PLB1: variants seen among roughly 807,000 people sequenced by gnomAD.
PLB1 encodes phospholipase B1, also known as phospholipase B1, membrane-associated.
In PLB1, 242 loss-of-function variants were observed where a neutral mutation model predicts 227.4. The ratio of observed to expected loss-of-function variants is 1.06; its 90% CI spans 0.96 to 1.18. The LOEUF (loss-of-function observed/expected upper bound fraction) is 1.18. Among genes scored for constraint, PLB1 ranks in the 50% most tolerant of loss-of-function variants. The pLI, the probability that PLB1 is intolerant of heterozygous loss-of-function variation, is 0.00. For synonymous variants in PLB1, 757 were observed against 682.2 expected (o/e 1.11, Z -1.71); for missense variants, 1,858 against 1,816.3 (o/e 1.02, Z -0.42).
rs188679384 is a variant in PLB1, at chr2:28,608,714, C to G, written c.3129+2147C>G. ...CCTGGTCCTTTTCTTAGGTTTCATTCTTTTTGACCTCTCTGAAGCCCTTGT... is the reference window on the plus strand; with the variant it reads ...CCTGGTCCTTTTCTTAGGTTTCATTGTTTTTGACCTCTCTGAAGCCCTTGT... On this transcript the variant is annotated intron_variant, in intron 43 of 57. Transcript: ENST00000327757. Among the ~76,000 whole-genome samples, 3 of 152,276 alleles carry G rather than the reference C, an allele frequency of 2.0e-5. No individual in the cohort carries two copies. The East Asian group carries it at 5.8e-4, about 29-fold the overall frequency.
Position 28,603,954 on chromosome 2 carries a change from C to G in PLB1, c.2775-12C>G, listed in dbSNP as rs369874929. On this transcript the variant is annotated splice_polypyrimidine_tract_variant and intron_variant, in intron 39 of 57. Coordinates refer to ENST00000327757, the MANE Select transcript of PLB1 (RefSeq NM_153021.5). The stretch of plus-strand genomic sequence containing the variant: ...GAGCTCTGGGGCCTCCTGCCTCCCC[C>G]TCTTTGTGCAGCGTTTTGTGTAACT... 137 of 1,613,758 alleles carry G rather than the reference C, an allele frequency of 8.5e-5. No homozygotes were observed. Among genetic ancestry groups the G allele is most frequent in the Admixed American group, 4.8e-4 (29 of 60,024 alleles).
At chr2:28,579,581 T>C in intron 22 of PLB1, 46 bp from the exon 23 acceptor site, 2 of 1,500,992 alleles carry the variant, frequency 1.3e-6, no homozygotes, top group Non-Finnish European at 1.9e-6. Flanking sequence ...TTCCTTGACT[T>C]GACTCTGGGA....
intron 14 of PLB1, among the ~76,000 whole-genome samples, chr2:28,544,282 A>G (rs1225856090): frequency 6.6e-6 from 1 of 152,226 alleles, no homozygotes; most frequent in African/African-American, 2.4e-5. Flanking sequence ...CTATGTCCCC[A>G]GAAATCCACT....
chr2:28,520,216 C>T (rs1032423312), intron 4 of PLB1, among the ~76,000 whole-genome samples: 5 of 140,946 alleles, frequency 3.5e-5, no homozygotes, highest in Non-Finnish European at 7.6e-5. Flanking sequence ...GCGTGAGCCA[C>T]TGCGCCCAGC....
chr2:28,594,023 GA>G (rs772929527), intron 33 of PLB1: 1 of 719,254 alleles, frequency 1.4e-6, no homozygotes, highest in Non-Finnish European at 2.6e-6. Context: ...AATCCAACAG[GA>G]AATGCACCAG....
At chr2:28,555,584 A>G (rs1398761836) in intron 17 of PLB1, among the ~76,000 whole-genome samples, 1 of 152,204 alleles carries the variant, frequency 6.6e-6, no homozygotes, top group East Asian at 1.9e-4. Context: ...TCTGGAGATC[A>G]TGTTTGCAAT....
rs560986905 is a variant in PLB1, at chr2:28,509,557, G to A, written c.56-7251G>A. On this transcript the variant is annotated intron_variant, in intron 1 of 57. Transcript: ENST00000327757. Reference sequence around the variant, plus strand: ...GGTGCTTTGTTGGTTCCAGACCCCAGTGGTCACAGCCCTGTCCAACTTGGA... The same window carrying A: ...GGTGCTTTGTTGGTTCCAGACCCCAATGGTCACAGCCCTGTCCAACTTGGA... 2.0e-4 allele frequency among the ~76,000 whole-genome samples: 30 copies of A among 152,322 alleles called. No homozygotes were observed. In the South Asian group the frequency reaches 5.8e-3, roughly 29 times the overall value.
intron 1 of PLB1, among the ~76,000 whole-genome samples, chr2:28,506,594 A>G (rs1177965085): frequency 1.3e-5 from 2 of 152,222 alleles, no homozygotes; most frequent in African/African-American, 2.4e-5. Context: ...ATTTACAAAA[A>G]CTAAACTGGT....
intron 35 of PLB1, among the ~76,000 whole-genome samples, chr2:28,599,947 C>T (rs1683600109): frequency 6.6e-6 from 1 of 152,032 alleles, no homozygotes; most frequent in South Asian, 2.1e-4. Flanking sequence ...TTCACTCTGT[C>T]ACCTAGGCTG....
chr2:28,637,455 C>T (rs778688637), intron 56 of PLB1, among the ~76,000 whole-genome samples: 8 of 152,048 alleles, frequency 5.3e-5, no homozygotes, highest in Non-Finnish European at 1.0e-4. Context: ...GTTTATGAAC[C>T]GCTGCCTTAG....
In PLB1 at chr2:28,565,272, C is replaced by T. The variant is rs751508125; in HGVS notation, c.1207-8C>T. On this transcript the variant is annotated splice_region_variant and splice_polypyrimidine_tract_variant and intron_variant, in intron 18 of 57. Coordinates refer to ENST00000327757, the MANE Select transcript of PLB1 (RefSeq NM_153021.5). Reference sequence around the variant, plus strand: ...AGAGAAACTCACCCCCTCATTGTTCCCTCTCAGGCAGGCAATGGGGCCGGG... The same window carrying T: ...AGAGAAACTCACCCCCTCATTGTTCTCTCTCAGGCAGGCAATGGGGCCGGG... 6.2e-7 allele frequency: 1 copy of T among 1,609,666 alleles called. No homozygotes were observed. Among genetic ancestry groups the T allele is most frequent in the South Asian group, 1.1e-5 (1 of 89,652 alleles).
In PLB1 at chr2:28,605,835, T is replaced by C. The variant is rs757401758; in HGVS notation, c.2962-18T>C. 3.2e-6 allele frequency: 5 copies of C among 1,586,148 alleles called. No individual in the cohort carries two copies. The Admixed American group carries it at 8.4e-5, about 27-fold the overall frequency. On this transcript the variant is annotated intron_variant, in intron 41 of 57. Coordinates refer to ENST00000327757, the MANE Select transcript of PLB1 (RefSeq NM_153021.5). The stretch of plus-strand genomic sequence containing the variant: ...CTGAACCAATAGGATCTTGAGGGGG[T>C]ATATTGGTCTCTTTCAGGATGGGCT...
In PLB1 at chr2:28,632,059, C is replaced by A. The variant is rs780182466; in HGVS notation, c.3921C>A (p.Tyr1307Ter). 6.8e-6 allele frequency: 11 copies of A among 1,613,974 alleles called. No individual in the cohort carries two copies. The Admixed American group carries it at 1.8e-4, about 27-fold the overall frequency. Residue 1307 changes from tyrosine to a stop codon, truncating the protein, a stop_gained, in exon 55 of 58, where the codon TAC becomes TAA. Transcript: ENST00000327757. LOFTEE classifies it high-confidence loss of function. ...AGCATGGCATCTCCAGTTTCTCCTA[C>A]TGGCACCAATACACACAGCGTGAGG... ...NLQHGISSFSYWHQYTQREDF... is the reference protein window; with the variant it reads ...NLQHGISSFS
chr2:28,608,201 T>A (rs531639322), intron 43 of PLB1, among the ~76,000 whole-genome samples: 11 of 152,224 alleles, frequency 7.2e-5, no homozygotes, highest in African/African-American at 2.7e-4. Flanking sequence ...CTAAGCAACA[T>A]TGGAGCCCAT....
intron 47 of PLB1, 130 bp from the exon 48 acceptor site, chr2:28,620,470 T>A: frequency 7.3e-7 from 1 of 1,361,552 alleles, no homozygotes; most frequent in Non-Finnish European, 1.0e-6. Context: ...AATGCTTGCA[T>A]TACCCCTGAG....
At chr2:28,597,857 A>T in intron 33 of PLB1, 148 bp from the exon 34 acceptor site, 4 of 756,568 alleles carry the variant, frequency 5.3e-6, no homozygotes, top group Non-Finnish European at 9.2e-6. Flanking sequence ...TTTTCTCAGA[A>T]TTCCTCAAAC....
intron 1 of PLB1, among the ~76,000 whole-genome samples, chr2:28,496,983 G>A (rs948403505): frequency 1.4e-4 from 22 of 152,364 alleles, no homozygotes; most frequent in Admixed American, 1.1e-3. Flanking sequence ...CCATGCTTGA[G>A]GCTTCTCTGG....
At chr2:28,497,722 AT>A (rs112520210) in intron 1 of PLB1, among the ~76,000 whole-genome samples, 1,407 of 140,634 alleles carry the variant, frequency 0.01, 10 homozygotes, top group African/African-American at 0.023. Flanking sequence ...TATATTCTCT[AT>A]TTTTTTTTTT....
At chr2:28,572,402 A>G (rs1196536126) in intron 20 of PLB1, among the ~76,000 whole-genome samples, 1 of 152,146 alleles carries the variant, frequency 6.6e-6, no homozygotes. Flanking sequence ...AACCTTTTCC[A>G]CTCTTAGATA....
Sources: gnomAD v4.1 joint callset for allele counts (sites outside exome capture counted in the v4.1 genomes callset) on GRCh38, gnomAD v4.1.1 for gene constraint, MANE v1.5 for transcripts, NCBI Gene and HGNC (gene_info 2026-07-23, HGNC 2026-07-21) for gene names.